LCOR: variants seen among roughly 807,000 people sequenced by gnomAD.
The protein encoded by LCOR is ligand-dependent corepressor.
In LCOR, 14 loss-of-function variants were observed where a neutral mutation model predicts 64.4. That is an observed-to-expected ratio of 0.22 (90% confidence interval 0.14 to 0.34). The LOEUF is 0.34. LCOR is among the 10% of genes least tolerant of loss of function. The pLI is 1.00. For synonymous variants in LCOR, 643 were observed against 642.5 expected, an observed-to-expected ratio of 1.00 and a Z score of -0.01; for missense variants, 1,686 against 1,765.3, an observed-to-expected ratio of 0.96 and a Z score of 0.80.
intron 2 of LCOR, among the ~76,000 whole-genome samples, chr10:96,857,438 T>C (rs185560959): frequency 1.1e-4 from 17 of 152,338 alleles, no homozygotes; most frequent in Non-Finnish European, 2.1e-4. Flanking sequence ...ATTTATCATG[T>C]CCAGCTTCAG....
At chr10:96,836,147 A>G (rs928223122) in intron 2 of LCOR, among the ~76,000 whole-genome samples, 6 of 152,190 alleles carry the variant, frequency 3.9e-5, no homozygotes, top group Middle Eastern at 3.2e-3. Flanking sequence ...AGATTGCCCT[A>G]ATTTCCTGAA....
intron 7 of LCOR, chr10:96,962,473 T>C (rs985378617): frequency 1.1e-4 from 16 of 152,144 alleles, no homozygotes; most frequent in African/African-American, 3.9e-4. Flanking sequence ...TGTTTTTAAG[T>C]TGTGGAAGGG....
chr10:96,861,532 TTC>T (rs1161638221), intron 2 of LCOR, among the ~76,000 whole-genome samples: 1 of 152,056 alleles, frequency 6.6e-6, no homozygotes, highest in Non-Finnish European at 1.5e-5. Context: ...GGTGAGTCTC[TTC>T]TCTTCTCTTT....
intron 2 of LCOR, among the ~76,000 whole-genome samples, chr10:96,895,104 C>G (rs1846514718): frequency 6.6e-6 from 1 of 152,106 alleles, no homozygotes; most frequent in Admixed American, 6.5e-5. Context: ...TTTACTGATT[C>G]CCAATTTTAT....
At position 96,990,555 on chromosome 10, in the gene LCOR, T is replaced by A. The variant is rs1848191205; in HGVS notation, c.*5421T>A. ...GGAAGACTTGAGGATCCAGTCTCTT[T>A]CCTTTATAGATAATTAGACTCAGGC... is the stretch of plus-strand genomic sequence containing the variant. On this transcript the variant is annotated 3_prime_UTR_variant, in exon 8 of 8. Transcript: ENST00000421806. 1 of 152,246 alleles carries A rather than the reference T, an allele frequency of 6.6e-6. No individual in the cohort carries two copies. The highest frequency in any genetic ancestry group is 2.4e-5 in the African/African-American group (1 of 41,434). 9.4% of individuals were successfully genotyped at this position (152,246 alleles called of 1,614,324 possible). A position where few individuals can be genotyped will look rare whatever the true frequency, so the allele number is the denominator to read the frequency against.
intron 2 of LCOR, among the ~76,000 whole-genome samples, chr10:96,860,336 C>G (rs1367318220): frequency 6.6e-6 from 1 of 151,972 alleles, no homozygotes; most frequent in Non-Finnish European, 1.5e-5. Flanking sequence ...AGTGATAACT[C>G]CAGAAGAAGG....
intron 7 of LCOR, among the ~76,000 whole-genome samples, chr10:96,969,900 C>T (rs1177845944): frequency 6.7e-6 from 1 of 148,940 alleles, no homozygotes; most frequent in Admixed American, 6.7e-5. Flanking sequence ...CTGCCTTAGC[C>T]TCCCGAGAAG....
At position 96,956,493 on chromosome 10, in the gene LCOR, T is replaced by C. The variant is rs1040773453; in HGVS notation, c.332+4297T>C. On this transcript the variant is annotated intron_variant, in intron 7 of 7. Transcript: ENST00000421806. ...ATTTGGTTATTCACTGACATAATTATTGGGTCATTTATAGTTACATTTTAT... is the reference window on the plus strand; with the variant it reads ...ATTTGGTTATTCACTGACATAATTACTGGGTCATTTATAGTTACATTTTAT... 4 of 982,932 alleles carry C rather than the reference T, an allele frequency of 4.1e-6. No individual in the cohort carries two copies. The African/African-American group carries it at 7.0e-5, about 17-fold the overall frequency. 60.9% of individuals were successfully genotyped at this position (982,932 alleles called of 1,614,324 possible).
intron 2 of LCOR, among the ~76,000 whole-genome samples, chr10:96,863,426 A>G (rs1845922210): frequency 1.3e-5 from 2 of 151,242 alleles, no homozygotes; most frequent in African/African-American, 4.9e-5. Flanking sequence ...CTGGTCTCGA[A>G]CTCCTGACCT....
At chr10:96,884,726 T>C (rs957054185) in intron 2 of LCOR, among the ~76,000 whole-genome samples, 16 of 152,330 alleles carry the variant, frequency 1.1e-4, no homozygotes, top group Middle Eastern at 3.4e-3. Context: ...GACCACACTT[T>C]TGAGTAAGGT....
chr10:96,869,826 T>C (rs775900527), intron 2 of LCOR, among the ~76,000 whole-genome samples: 83 of 152,066 alleles, frequency 5.5e-4, no homozygotes, highest in Non-Finnish European at 1.0e-3. Flanking sequence ...CTGCCCACCT[T>C]GGCCTCCCAG....
chr10:96,906,241 T>G (rs1204642720), intron 2 of LCOR, among the ~76,000 whole-genome samples: 8 of 152,254 alleles, frequency 5.3e-5, no homozygotes, highest in African/African-American at 1.4e-4. Context: ...TTTACTTTAT[T>G]GCAGTAATCC....
chr10:96,896,905 C>T (rs375912894), intron 2 of LCOR, among the ~76,000 whole-genome samples: 12 of 152,044 alleles, frequency 7.9e-5, no homozygotes, highest in African/African-American at 2.7e-4. Context: ...AAAAGGAAGC[C>T]CCACCTTTCC....
intron 2 of LCOR, among the ~76,000 whole-genome samples, chr10:96,898,025 T>A (rs1846571484): frequency 6.6e-6 from 1 of 152,212 alleles, no homozygotes; most frequent in African/African-American, 2.4e-5. Context: ...AAAAAGAGTG[T>A]GTTTGCATTC....
At chr10:96,920,649 T>C (rs927927108) in intron 4 of LCOR, among the ~76,000 whole-genome samples, 4 of 138,648 alleles carry the variant, frequency 2.9e-5, no homozygotes, top group Non-Finnish European at 6.0e-5. Flanking sequence ...TATGTGTATA[T>C]ATGTGTATAT....
At chr10:96,955,781 G>A in intron 7 of LCOR, 1 of 1,614,236 alleles carries the variant, frequency 6.2e-7, no homozygotes, top group Non-Finnish European at 8.5e-7. Flanking sequence ...ACAAAGTAAA[G>A]GAGAGGCTGG....
At chr10:96,907,783 A>G (rs1198848018) in intron 4 of LCOR, 36 bp downstream of exon 4, 2 of 678,934 alleles carry the variant, frequency 2.9e-6, no homozygotes, top group Non-Finnish European at 3.6e-6. Flanking sequence ...TATTTAGTGT[A>G]GTATTTTAAA....
At position 96,918,815 on chromosome 10, in the gene LCOR, T is replaced by TGAC. The variant is rs1374424132; in HGVS notation, c.-184+11069_-184+11071dup. On this transcript the variant is annotated intron_variant, in intron 4 of 7. Transcript: ENST00000421806. ...GACTTTGCCCTCACAGTGAGAGCAG[T>TGAC]GACTGGTGAGAAACTGTTAGATATG... 2.6e-5 allele frequency among the ~76,000 whole-genome samples: 4 copies of TGAC among 152,260 alleles called. No homozygotes were observed. The East Asian group carries it at 7.7e-4, about 29-fold the overall frequency.
rs534038791 is a variant in LCOR, at chr10:96,838,558, G to A, written c.-330+5079G>A. On this transcript the variant is annotated intron_variant, in intron 2 of 7. Coordinates refer to ENST00000421806, the MANE Select transcript of LCOR (RefSeq NM_001346516.2). ...TGTGGATTTGTCTATTCTGGACATA[G>A]CATGTAATTGGAGTCATACAATATA... Among the ~76,000 whole-genome samples the A allele has an allele frequency of 2.7e-4, 41 of 152,320 alleles. No homozygotes were observed. In the South Asian group the frequency reaches 8.3e-3, roughly 31 times the overall value.
Sources: gnomAD v4.1 joint callset for allele counts (sites outside exome capture counted in the v4.1 genomes callset) on GRCh38, gnomAD v4.1.1 for gene constraint, MANE v1.5 for transcripts, NCBI Gene and HGNC (gene_info 2026-07-23, HGNC 2026-07-21) for gene names.